DPP10: variants seen among roughly 807,000 people sequenced by gnomAD.
The protein encoded by DPP10 is dipeptidyl peptidase like 10, also known as inactive dipeptidyl peptidase 10.
DPP10 carries 33 observed loss-of-function variants against 120.9 expected under a neutral mutation model. The ratio of observed to expected loss-of-function variants is 0.27; its 90% CI spans 0.21 to 0.37. The LOEUF is 0.37. Among genes scored for constraint, DPP10 ranks in the 10% least tolerant of loss-of-function variants. The pLI is 1.00. For missense variants in DPP10, 816 were observed against 942.8 expected, an observed-to-expected ratio of 0.87 and a Z score of 1.76; for synonymous variants, 337 against 326.1, an observed-to-expected ratio of 1.03 and a Z score of -0.36.
intron 1 of DPP10, among the ~76,000 whole-genome samples, chr2:114,648,284 C>T (rs999782873): frequency 2.0e-5 from 3 of 152,186 alleles, no homozygotes; most frequent in African/African-American, 7.2e-5. Flanking sequence ...AGTCTCATGT[C>T]TTCTGAGATC....
intron 5 of DPP10, among the ~76,000 whole-genome samples, chr2:115,621,519 T>C (rs1313742307): frequency 1.3e-5 from 2 of 152,202 alleles, no homozygotes; most frequent in African/African-American, 4.8e-5. Flanking sequence ...GCCTTTCACT[T>C]TCTGTAAACA....
intron 19 of DPP10, among the ~76,000 whole-genome samples, chr2:115,799,681 G>A (rs1224235458): frequency 2.3e-4 from 34 of 147,378 alleles, no homozygotes; most frequent in Non-Finnish European, 3.7e-4. Flanking sequence ...GAGAACATGC[G>A]GTGTTTGGTT....
chr2:114,557,953 C>T (rs952311803), intron 1 of DPP10, among the ~76,000 whole-genome samples: 2 of 152,036 alleles, frequency 1.3e-5, no homozygotes, highest in East Asian at 1.9e-4. Context: ...CATTCTTCTC[C>T]CTCTGTATGT....
chr2:114,901,720 G>A (rs1343063499), intron 1 of DPP10, among the ~76,000 whole-genome samples: 2 of 152,302 alleles, frequency 1.3e-5, no homozygotes, highest in East Asian at 1.9e-4. Flanking sequence ...TGTGCAAAAC[G>A]TTTGTGCCCA....
chr2:115,439,432 C>T (rs2071815217), intron 3 of DPP10, among the ~76,000 whole-genome samples: 1 of 152,168 alleles, frequency 6.6e-6, no homozygotes, highest in Non-Finnish European at 1.5e-5. Context: ...CCCTTAACAC[C>T]ACTGAACTGT....
chr2:115,493,611 A>AT (rs1387417283), intron 3 of DPP10, among the ~76,000 whole-genome samples: 2 of 152,142 alleles, frequency 1.3e-5, no homozygotes, highest in Non-Finnish European at 2.9e-5. Context: ...TGAAGAACAA[A>AT]TACCAGGGCA....
intron 7 of DPP10, among the ~76,000 whole-genome samples, chr2:115,701,720 G>T (rs2091896769): frequency 6.6e-6 from 1 of 151,894 alleles, no homozygotes; most frequent in African/African-American, 2.4e-5. Context: ...TTAATATAGA[G>T]GAATAAAGTA....
intron 2 of DPP10, among the ~76,000 whole-genome samples, chr2:115,340,478 G>A (rs912174296): frequency 6.6e-6 from 1 of 151,828 alleles, no homozygotes; most frequent in Non-Finnish European, 1.5e-5. Flanking sequence ...AGTTTTCACT[G>A]TTGTGTGTAT....
chr2:114,749,173 CAT>C (rs1199133299), intron 1 of DPP10, among the ~76,000 whole-genome samples: 1 of 146,978 alleles, frequency 6.8e-6, no homozygotes, highest in Non-Finnish European at 1.5e-5. Flanking sequence ...AGCATTTTTT[CAT>C]GTGTTTTTTG....
At chr2:115,432,659 T>TTGTGTGTGTGTGTGTGTGTG (rs59844767) in intron 3 of DPP10, among the ~76,000 whole-genome samples, 32 of 137,670 alleles carry the variant, frequency 2.3e-4, no homozygotes, top group African/African-American at 7.8e-4. Flanking sequence ...ATAGGCAATT[T>TTGTGTGTGTGTGTGTGTGTG]TGTGTGTGTG....
At chr2:114,725,590 G>A (rs1055755440) in intron 1 of DPP10, among the ~76,000 whole-genome samples, 3 of 152,148 alleles carry the variant, frequency 2.0e-5, no homozygotes, top group South Asian at 4.1e-4. Flanking sequence ...TTCATATAAC[G>A]ATGATGAAGA....
chr2:114,556,234 CATATATAT>C (rs56772742), intron 1 of DPP10, among the ~76,000 whole-genome samples: 14,557 of 86,844 alleles, frequency 0.17, 1,157 homozygotes, highest in Non-Finnish European at 0.2. Context: ...ATAGATGATA[CATATATAT>C]ATATATATAT....
chr2:114,527,331 G>C (rs962467266), intron 1 of DPP10, among the ~76,000 whole-genome samples: 7 of 152,170 alleles, frequency 4.6e-5, no homozygotes, highest in Admixed American at 1.3e-4. Flanking sequence ...ATCAGAGCAA[G>C]TGAGCAGCAC....
chr2:114,635,615 T>C (rs969957377), intron 1 of DPP10, among the ~76,000 whole-genome samples: 2 of 151,866 alleles, frequency 1.3e-5, no homozygotes, highest in African/African-American at 2.4e-5. Context: ...GTTTGTTATA[T>C]TGGTGAAATT....
chr2:114,841,645 G>T (rs185705886), intron 1 of DPP10, among the ~76,000 whole-genome samples: 1 of 152,222 alleles, frequency 6.6e-6, no homozygotes, highest in East Asian at 1.9e-4. Flanking sequence ...TTCTAGGACT[G>T]AAAGAAACTT....
At chr2:115,456,236 A>G (rs1478392516) in intron 3 of DPP10, among the ~76,000 whole-genome samples, 1 of 152,186 alleles carries the variant, frequency 6.6e-6, no homozygotes, top group Non-Finnish European at 1.5e-5. Context: ...TCATTAGAGA[A>G]ATGCAAATCA....
chr2:114,862,474 A>G (rs559464224), intron 1 of DPP10, among the ~76,000 whole-genome samples: 1 of 152,288 alleles, frequency 6.6e-6, no homozygotes, highest in South Asian at 2.1e-4. Flanking sequence ...GCTGATGCTG[A>G]CAACATTTTT....
At chr2:115,537,861 G>C (rs1269409063) in intron 5 of DPP10, among the ~76,000 whole-genome samples, 1 of 151,924 alleles carries the variant, frequency 6.6e-6, no homozygotes, top group Non-Finnish European at 1.5e-5. Flanking sequence ...TGAGCTGGGA[G>C]CTATACTTTC....
intron 1 of DPP10, among the ~76,000 whole-genome samples, chr2:115,179,240 G>A (rs2053912856): frequency 6.6e-6 from 1 of 152,140 alleles, no homozygotes; most frequent in Non-Finnish European, 1.5e-5. Context: ...AAATTTTAAT[G>A]TAGAATTGAA....
Sources: allele counts gnomAD v4.1 joint callset (sites outside exome capture counted in the v4.1 genomes callset), GRCh38; gene constraint gnomAD v4.1.1; transcripts MANE v1.5; gene names NCBI Gene and HGNC (gene_info 2026-07-23, HGNC 2026-07-21).